The following CREB5 variants were observed in gnomAD, a reference collection of about 807,000 sequenced individuals.
The protein encoded by CREB5 is cyclic AMP-responsive element-binding protein 5.
Under a neutral mutation model 57.1 loss-of-function variants are expected in CREB5, and 19 were observed. The ratio of observed to expected loss-of-function variants is 0.33; its 90% CI spans 0.23 to 0.49. The LOEUF (loss-of-function observed/expected upper bound fraction) is 0.49, where lower values mean the gene tolerates loss of function less well. CREB5 is among the 20% of genes least tolerant of loss of function. CREB5 has a pLI of 0.99. For missense variants in CREB5, 579 were observed against 671.6 expected (o/e 0.86, Z 1.52); for synonymous variants, 238 against 238.3 (o/e 1.00, Z 0.01).
At chr7:28,421,532 A>T (rs540424277) in intron 1 of CREB5, among the ~76,000 whole-genome samples, 1 of 152,132 alleles carries the variant, frequency 6.6e-6, no homozygotes, top group South Asian at 2.1e-4. Context: ...CTTTGGGATA[A>T]TGTAGACAGA....
At chr7:28,758,794 T>A (rs1171870780) in intron 7 of CREB5, among the ~76,000 whole-genome samples, 2 of 152,114 alleles carry the variant, frequency 1.3e-5, no homozygotes, top group Non-Finnish European at 2.9e-5. Context: ...ATGTATGGAG[T>A]CCTCTAGGAG....
Position 28,809,205 on chromosome 7 carries a change from C to A in CREB5, c.1045C>A (p.Gln349Lys). The change falls in exon 9 of 11, where the codon CAG (glutamine) becomes AAG (lysine). Residue 349 changes from glutamine to lysine, a missense_variant. Coordinates refer to ENST00000357727, the MANE Select transcript of CREB5 (RefSeq NM_182898.4). ...CCAGCAGGTTTCACCAGCAACACAA[C>A]AGATGCAGCCAACCCAGACAATACA... ...NQAQVSPATQ[Q>K]MQPTQTIQPP... 1 of 1,612,992 alleles carries A rather than the reference C, an allele frequency of 6.2e-7. No individual in the cohort carries two copies. The highest frequency in any genetic ancestry group is 8.5e-7 in the Non-Finnish European group (1 of 1,179,370).
intron 5 of CREB5, among the ~76,000 whole-genome samples, chr7:28,638,717 TTAA>T (rs1411098826): frequency 3.9e-5 from 6 of 152,164 alleles, no homozygotes; most frequent in Non-Finnish European, 7.4e-5. Context: ...ACTTCTGCAG[TTAA>T]TAATAATACA....
chr7:28,637,824 A>ATTTTT (rs1183972233), intron 5 of CREB5, among the ~76,000 whole-genome samples: 6 of 152,214 alleles, frequency 3.9e-5, no homozygotes, highest in Non-Finnish European at 5.9e-5. Context: ...CAATGCATTT[A>ATTTTT]TAGTTGTTAT....
At chr7:28,472,970 A>C (rs1486448394) in intron 1 of CREB5, among the ~76,000 whole-genome samples, 2 of 151,920 alleles carry the variant, frequency 1.3e-5, no homozygotes, top group African/African-American at 4.8e-5. Flanking sequence ...TTCTGCCTGG[A>C]CCACCCTCCC....
At chr7:28,320,222 G>A (rs1026492490) in intron 1 of CREB5, among the ~76,000 whole-genome samples, 19 of 152,150 alleles carry the variant, frequency 1.2e-4, no homozygotes, top group Admixed American at 1.1e-3. Flanking sequence ...GAGCCACCAC[G>A]CCTGGCCGCT....
At chr7:28,645,924 CAG>C (rs1270217140) in intron 5 of CREB5, among the ~76,000 whole-genome samples, 2 of 152,164 alleles carry the variant, frequency 1.3e-5, no homozygotes, top group Non-Finnish European at 2.9e-5. Flanking sequence ...AATGGAAAGA[CAG>C]GGGAAAGGTG....
intron 4 of CREB5, among the ~76,000 whole-genome samples, chr7:28,560,949 T>TGTGC (rs1562798066): frequency 0.013 from 452 of 34,714 alleles, 58 homozygotes; most frequent in Middle Eastern, 0.034. Context: ...TGCGTGTGTG[T>TGTGC]GCGTGTGTGT....
chr7:28,767,325 G>A (rs191571821), intron 7 of CREB5, among the ~76,000 whole-genome samples: 7 of 152,220 alleles, frequency 4.6e-5, no homozygotes, highest in South Asian at 2.1e-4. Flanking sequence ...AAAGCATATC[G>A]AACATAGAGA....
At chr7:28,402,140 A>C (rs544199594) in intron 1 of CREB5, among the ~76,000 whole-genome samples, 1 of 152,194 alleles carries the variant, frequency 6.6e-6, no homozygotes, top group South Asian at 2.1e-4. Context: ...TGTGGTTTTG[A>C]TTTGCATTTC....
chr7:28,646,673 G>A (rs1463093804), intron 5 of CREB5, among the ~76,000 whole-genome samples: 1 of 152,082 alleles, frequency 6.6e-6, no homozygotes, highest in Non-Finnish European at 1.5e-5. Context: ...GTCCAGAAAG[G>A]AAAGAATATT....
intron 7 of CREB5, among the ~76,000 whole-genome samples, chr7:28,753,349 A>T (rs4719950): frequency 0.25 from 38,478 of 152,080 alleles, 5,292 homozygotes; most frequent in Non-Finnish European, 0.31. Context: ...GTCTATACAG[A>T]ATGTCCCTAA....
chr7:28,512,427 T>A (rs1350646216), intron 4 of CREB5, among the ~76,000 whole-genome samples: 1 of 152,064 alleles, frequency 6.6e-6, no homozygotes, highest in Non-Finnish European at 1.5e-5. Context: ...GTATGAAGAA[T>A]GAAATCAAGT....
chr7:28,371,433 G>A (rs1159317467), intron 1 of CREB5, among the ~76,000 whole-genome samples: 2 of 149,412 alleles, frequency 1.3e-5, no homozygotes, highest in South Asian at 2.1e-4. Flanking sequence ...AGGTTGCAGT[G>A]AGCCAAGATC....
chr7:28,348,995 G>A (rs1279308269), intron 1 of CREB5, among the ~76,000 whole-genome samples: 2 of 152,192 alleles, frequency 1.3e-5, no homozygotes, highest in Non-Finnish European at 2.9e-5. Context: ...ATGTGGTGTA[G>A]GAAACTGAAT....
At chr7:28,571,126 G>A (rs375785250) in intron 5 of CREB5, among the ~76,000 whole-genome samples, 1 of 152,084 alleles carries the variant, frequency 6.6e-6, no homozygotes, top group Non-Finnish European at 1.5e-5. Flanking sequence ...ATGTGGACAC[G>A]GTGGACAGGA....
rs79304836 is a variant in CREB5 at position 28,349,737 on chromosome 7, G to A, written c.-25+50296G>A. On this transcript the variant is annotated intron_variant, in intron 1 of 9. Coordinates refer to the CREB5 transcript ENST00000396299. ...ACCAGGAGAGGATGTACAACTGGGG[G>A]ATGTCACCATGATGATTGCTCCTTT... 3.0e-3 allele frequency among the ~76,000 whole-genome samples: 459 copies of A among 152,228 alleles called. 10 individuals are homozygous for A. The East Asian group carries it at 0.054, about 18-fold the overall frequency.
intron 3 of CREB5, among the ~76,000 whole-genome samples, chr7:28,505,520 T>A (rs529236784): frequency 6.6e-6 from 1 of 152,350 alleles, no homozygotes; most frequent in African/African-American, 2.4e-5. Context: ...GTCCAGAGAA[T>A]GTAGGTAAAT....
At chr7:28,383,400 G>A (rs751146297) in intron 1 of CREB5, among the ~76,000 whole-genome samples, 2 of 152,202 alleles carry the variant, frequency 1.3e-5, no homozygotes, top group East Asian at 1.9e-4. Context: ...CTGGGACTGG[G>A]TAATATGCAA....
Sources: gnomAD v4.1 joint callset for allele counts (sites outside exome capture counted in the v4.1 genomes callset) on GRCh38, gnomAD v4.1.1 for gene constraint, MANE v1.5 for transcripts, NCBI Gene and HGNC (gene_info 2026-07-23, HGNC 2026-07-21) for gene names.